SRSF4: variants seen among roughly 807,000 people sequenced by gnomAD.
The protein encoded by SRSF4 is serine and arginine rich splicing factor 4, also known as serine/arginine-rich splicing factor 4.
SRSF4 carries 12 observed loss-of-function variants against 48.8 expected under a neutral mutation model. That is an observed-to-expected ratio of 0.25 (90% CI 0.16 to 0.40). SRSF4 has a LOEUF of 0.40. Among genes scored for constraint, SRSF4 ranks in the 10% least tolerant of loss-of-function variants. The pLI, the probability that SRSF4 is intolerant of heterozygous loss-of-function variation, is 1.00. For missense variants in SRSF4, 466 were observed against 667.1 expected, an observed-to-expected ratio of 0.70 and a Z score of 3.32; for synonymous variants, 248 against 232.5, an observed-to-expected ratio of 1.07 and a Z score of -0.61.
rs147252345 is a variant in SRSF4, at chr1:29,167,203, C to T, written c.108-6686G>A. ...CATTTTTTTGTTTAGAAGTCTATAA[C>T]GACTCCTAAGTATCTTTATGTCACT... On this transcript the variant is annotated intron_variant, in intron 1 of 5. Transcript: ENST00000373795. Among the ~76,000 whole-genome samples, 18 of 152,280 alleles carry T rather than the reference C, an allele frequency of 1.2e-4. No homozygotes were observed. The East Asian group carries it at 2.9e-3, about 24-fold the overall frequency.
In SRSF4 at chr1:29,148,920, C is replaced by T; in HGVS notation, c.975G>A (p.Lys325=). Residue 325 remains lysine (K), a synonymous_variant, in exon 6 of 6, where the codon AAG becomes AAA. Transcript: ENST00000373795. ...TCCGGCTCCGACTCTGGCGGAGGCT[C>T]TTCTCCTGGCTCCTGCCCCTGCTCA... ...GSVSRGRSQE[K]SLRQSRSRSR... 6.2e-7 allele frequency: 1 copy of T among 1,612,438 alleles called. No individual in the cohort carries two copies. Among genetic ancestry groups the T allele is most frequent in the Non-Finnish European group, 8.5e-7 (1 of 1,179,506 alleles).
rs531854933 is a variant in SRSF4 at position 29,178,047 on chromosome 1, C to T, written c.107+3599G>A. 1.8e-4 allele frequency among the ~76,000 whole-genome samples: 27 copies of T among 151,748 alleles called. No individual in the cohort carries two copies. In the South Asian group the frequency reaches 5.4e-3, roughly 30 times the overall value. ...CTAGAGGAGCTGGGATTACAGGTGC[C>T]CACCACCACACCCAGCTAATCTTTG... On this transcript the variant is annotated intron_variant, in intron 1 of 5. Transcript: ENST00000373795.
chr1:29,149,647 C>T (rs2151811330), intron 5 of SRSF4, among the ~76,000 whole-genome samples: 1 of 146,726 alleles, frequency 6.8e-6, no homozygotes, highest in East Asian at 2.0e-4. Flanking sequence ...CGCCACTGCA[C>T]TCCAGATTGG....
At chr1:29,160,114 A>T (rs1444499195) in intron 2 of SRSF4, 6 of 371,788 alleles carry the variant, frequency 1.6e-5, no homozygotes, top group Non-Finnish European at 2.8e-5. Flanking sequence ...ATTGCATTAC[A>T]GAGAAAAAAA....
chr1:29,155,411 AC>A (rs1308814350), intron 3 of SRSF4, among the ~76,000 whole-genome samples: 3 of 152,094 alleles, frequency 2.0e-5, no homozygotes, highest in Non-Finnish European at 4.4e-5. Context: ...AGCCTGGGGT[AC>A]AGAGCAAGAC....
intron 4 of SRSF4, among the ~76,000 whole-genome samples, chr1:29,154,028 C>T (rs1223874853): frequency 6.6e-6 from 1 of 151,776 alleles, no homozygotes; most frequent in African/African-American, 2.4e-5. Flanking sequence ...TCCTGGGTAG[C>T]TGGGACTACA....
At chr1:29,155,269 A>C (rs1018124726) in intron 3 of SRSF4, among the ~76,000 whole-genome samples, 7 of 152,142 alleles carry the variant, frequency 4.6e-5, no homozygotes, top group African/African-American at 1.4e-4. Context: ...ATCTCTACAA[A>C]AATTGAAAAA....
intron 1 of SRSF4, among the ~76,000 whole-genome samples, chr1:29,176,836 A>T (rs1329636009): frequency 1.3e-5 from 2 of 152,254 alleles, no homozygotes; most frequent in Non-Finnish European, 1.5e-5. Flanking sequence ...CTGAAAATTC[A>T]GGCTATTCAT....
chr1:29,169,294 C>G (rs965186111), intron 1 of SRSF4: 5 of 152,206 alleles, frequency 3.3e-5, no homozygotes, highest in Non-Finnish European at 7.3e-5. Context: ...TCTACCACCA[C>G]GTTTTAACCG....
chr1:29,178,829 T>G (rs1359011702), intron 1 of SRSF4, among the ~76,000 whole-genome samples: 2 of 152,258 alleles, frequency 1.3e-5, no homozygotes, highest in Non-Finnish European at 2.9e-5. Flanking sequence ...AGGCAATTTT[T>G]GCTTGAAATA....
At chr1:29,156,915 T>TA (rs1672509121) in intron 3 of SRSF4, among the ~76,000 whole-genome samples, 1 of 152,170 alleles carries the variant, frequency 6.6e-6, no homozygotes, top group Non-Finnish European at 1.5e-5. Flanking sequence ...CACTTAGATC[T>TA]AAGAAGCAGA....
chr1:29,149,077 G>C lies in SRSF4; in HGVS notation c.818C>G (p.Ala273Gly). 4 of 1,610,668 alleles carry C rather than the reference G, an allele frequency of 2.5e-6. No individual in the cohort carries two copies. Among genetic ancestry groups the C allele is most frequent in the Non-Finnish European group, 3.4e-6 (4 of 1,179,310 alleles). Residue 273 changes from alanine (A) to glycine (G), a missense_variant, in exon 6 of 6, where the codon GCT (alanine) becomes GGT (glycine). Ala to Gly is a moderately conservative substitution (Grantham distance 60). Transcript: ENST00000373795. Reference protein sequence around the residue: ...GKSRSKSKDQAEEKIQNNDNV... With the variant: ...GKSRSKSKDQGEEKIQNNDNV... ...GTCATTGTTTTGGATCTTCTCTTCA[G>C]CTTGGTCTTTGCTCTTGCTGCGGCT...
At position 29,150,238 on chromosome 1, in the gene SRSF4, T is replaced by C. The variant is rs761877542; in HGVS notation, c.579-46A>G. The C allele has an allele frequency of 1.0e-5, 14 of 1,345,372 alleles. No individual in the cohort carries two copies. The South Asian group carries it at 1.5e-4, about 15-fold the overall frequency. The allele number at this position is 1,345,372 out of a possible 1,614,324, so 83.3% of individuals were successfully genotyped here. ...TTAATACTTGCTGACAAGAGGCTGC[T>C]GATGAGCATCAATCAAGACTATATA... On this transcript the variant is annotated intron_variant, in intron 4 of 5. Transcript: ENST00000373795.
At chr1:29,157,069 G>C (rs1157357960) in intron 3 of SRSF4, among the ~76,000 whole-genome samples, 2 of 152,178 alleles carry the variant, frequency 1.3e-5, no homozygotes, top group African/African-American at 4.8e-5. Flanking sequence ...TAGCTGGTGG[G>C]AGCGAGCTTA....
chr1:29,153,664 G>T (rs1031723530), intron 4 of SRSF4, among the ~76,000 whole-genome samples: 1 of 146,600 alleles, frequency 6.8e-6, no homozygotes, highest in Non-Finnish European at 1.5e-5. Context: ...GCAACGGTGC[G>T]CTTGGCTCAC....
chr1:29,176,025 G>A (rs1025548592), intron 1 of SRSF4, among the ~76,000 whole-genome samples: 1 of 152,140 alleles, frequency 6.6e-6, no homozygotes, highest in Non-Finnish European at 1.5e-5. Context: ...GGCCGAGGCA[G>A]GTGGATCATG....
At chr1:29,170,823 A>G (rs1001420126) in intron 1 of SRSF4, 1 of 150,256 alleles carries the variant, frequency 6.7e-6, no homozygotes, top group African/African-American at 2.5e-5. Context: ...TCTTCTCTCT[A>G]GGTCTTGGGG....
chr1:29,175,546 T>C (rs1408633858), intron 1 of SRSF4, among the ~76,000 whole-genome samples: 2 of 149,406 alleles, frequency 1.3e-5, no homozygotes, highest in East Asian at 3.9e-4. Flanking sequence ...ATACAAAAAA[T>C]TAGCCGGGAG....
chr1:29,177,893 A>T (rs1447778164), intron 1 of SRSF4, among the ~76,000 whole-genome samples: 6 of 93,610 alleles, frequency 6.4e-5, no homozygotes, highest in Admixed American at 2.4e-4. Context: ...ATTACACAAG[A>T]TTTTTTTTTT....
Sources: allele counts gnomAD v4.1 joint callset (sites outside exome capture counted in the v4.1 genomes callset), GRCh38; gene constraint gnomAD v4.1.1; transcripts MANE v1.5; gene names NCBI Gene and HGNC (gene_info 2026-07-23, HGNC 2026-07-21).